RASGRF1: variants seen among roughly 807,000 people sequenced by gnomAD.
RASGRF1 encodes the protein Ras protein specific guanine nucleotide releasing factor 1, also known as ras-specific guanine nucleotide-releasing factor 1.
RASGRF1 carries 40 observed loss-of-function variants against 138.7 expected under a neutral mutation model. That is an observed-to-expected ratio of 0.29 (90% confidence interval 0.22 to 0.38). RASGRF1 has a LOEUF of 0.38. Ranked by LOEUF, RASGRF1 falls within the 10% of genes least tolerant of loss-of-function variation. The probability of loss-of-function intolerance (pLI) is 1.00; values close to 1 mark genes in which losing one functional copy is unlikely to be tolerated. For synonymous variants in RASGRF1, 614 were observed against 663.2 expected, an observed-to-expected ratio of 0.93 and a Z score of 1.14; for missense variants, 1,108 against 1,650.4, an observed-to-expected ratio of 0.67 and a Z score of 5.69.
Position 78,960,571 on chromosome 15 carries a change from C to G in RASGRF1, c.*1573G>C, listed in dbSNP as rs995182127. 2 of 152,374 alleles carry G rather than the reference C, an allele frequency of 1.3e-5. No homozygotes were observed. Among genetic ancestry groups the G allele is most frequent in the Admixed American group, 6.5e-5 (1 of 15,276 alleles). The allele number at this position is 152,374 out of a possible 1,614,324, so 9.4% of individuals were successfully genotyped here. ...CTTGGTGCACCAACTAGAGCACCAC[C>G]CGGTCCAGTTGAGCCTTCAGATGAC... On this transcript the variant is annotated 3_prime_UTR_variant, in exon 27 of 27. Coordinates refer to ENST00000558480, the MANE Select transcript of RASGRF1 (RefSeq NM_001145648.3).
At chr15:79,039,471 T>C (rs914169130) in intron 5 of RASGRF1, among the ~76,000 whole-genome samples, 1 of 152,200 alleles carries the variant, frequency 6.6e-6, no homozygotes, top group Non-Finnish European at 1.5e-5. Flanking sequence ...AATTCTTTCA[T>C]TGTTGTTTTT....
chr15:79,043,714 G>A (rs2057324894), intron 5 of RASGRF1, among the ~76,000 whole-genome samples: 1 of 152,294 alleles, frequency 6.6e-6, no homozygotes, highest in South Asian at 2.1e-4. Context: ...GATGGGTAAG[G>A]GAGCTTCTCA....
At chr15:79,064,589 C>G in intron 1 of RASGRF1, 63 bp from the exon 2 acceptor site, 2 of 1,501,036 alleles carry the variant, frequency 1.3e-6, no homozygotes, top group African/African-American at 1.4e-5. Flanking sequence ...ACGACTCTTG[C>G]AATCAATCTA....
chr15:79,016,152 TTTC>T (rs2056876326), intron 12 of RASGRF1, among the ~76,000 whole-genome samples: 1 of 152,094 alleles, frequency 6.6e-6, no homozygotes, highest in Non-Finnish European at 1.5e-5. Context: ...CATGAGAGGG[TTTC>T]TTCTTGGCAT....
rs1173036993 is a variant in RASGRF1, at chr15:79,006,054, C to G, written c.2075+132G>C. The G allele has an allele frequency of 2.0e-5, 27 of 1,325,626 alleles. No individual in the cohort carries two copies. The Admixed American group carries it at 5.6e-4, about 27-fold the overall frequency. The allele number at this position is 1,325,626 out of a possible 1,614,324, so 82.1% of individuals were successfully genotyped here. ...GAGGGGGCAGTGGCGGTGTGTGTCC[C>G]GCAGCACCCCAACACGTTACTGCTG... On this transcript the variant is annotated intron_variant, in intron 14 of 26. Transcript: ENST00000558480. The surrounding 1 kb of genome is among the most constrained non-coding windows in gnomAD (Gnocchi z 4.0).
intron 12 of RASGRF1, 34 bp downstream of exon 12, chr15:79,017,736 C>A (rs1279365009): frequency 6.3e-7 from 1 of 1,581,566 alleles, no homozygotes; most frequent in South Asian, 1.2e-5. Flanking sequence ...CATGAAGGGA[C>A]CACTCGCTTT....
At chr15:79,083,157 A>G (rs2057935292) in intron 1 of RASGRF1, among the ~76,000 whole-genome samples, 1 of 152,162 alleles carries the variant, frequency 6.6e-6, no homozygotes, top group Non-Finnish European at 1.5e-5. Flanking sequence ...ATCAGGGACA[A>G]AATAACTCCT....
At chr15:78,998,902 C>T in intron 17 of RASGRF1, 77 bp from the exon 18 acceptor site, 1 of 1,235,444 alleles carries the variant, frequency 8.1e-7, no homozygotes, top group Non-Finnish European at 1.2e-6. Flanking sequence ...CTGGATTTGC[C>T]TCTCGGATCT....
At chr15:78,966,074 T>C (rs576212205) in intron 26 of RASGRF1, among the ~76,000 whole-genome samples, 4 of 152,044 alleles carry the variant, frequency 2.6e-5, no homozygotes, top group Non-Finnish European at 4.4e-5. Context: ...AGGGAGCCAT[T>C]CTGTACCCCC....
intron 1 of RASGRF1, among the ~76,000 whole-genome samples, chr15:79,067,581 T>C (rs189583479): frequency 7.4e-4 from 113 of 152,328 alleles, no homozygotes; most frequent in Middle Eastern, 3.4e-3. Context: ...GAGCAGTTTG[T>C]TCCCTTTGTG....
chr15:78,979,248 C>A, intron 24 of RASGRF1: 1 of 1,191,078 alleles, frequency 8.4e-7, no homozygotes, highest in Non-Finnish European at 1.1e-6. Context: ...GGCGATGGCA[C>A]ACAGAGCTGG....
chr15:78,975,475 T>C (rs12914792), intron 24 of RASGRF1, among the ~76,000 whole-genome samples: 18,767 of 150,962 alleles, frequency 0.12, 1,494 homozygotes, highest in Non-Finnish European at 0.18. Flanking sequence ...CAGTCCATGA[T>C]TATTACATGC....
chr15:79,028,150 T>C (rs2057086887), intron 8 of RASGRF1, among the ~76,000 whole-genome samples: 1 of 152,106 alleles, frequency 6.6e-6, no homozygotes, highest in Admixed American at 6.5e-5. Flanking sequence ...ATCTGTCAGA[T>C]TTTACAGTCT....
chr15:78,990,312 G>A, intron 21 of RASGRF1, 39 bp from the exon 22 acceptor site: 1 of 1,385,594 alleles, frequency 7.2e-7, no homozygotes, highest in Non-Finnish European at 1.0e-6. Flanking sequence ...GAGGGGGTGA[G>A]GTTTGCCTTG....
rs561708273 is a variant in RASGRF1 at position 79,021,980 on chromosome 15, A to T, written c.1543-1876T>A. On this transcript the variant is annotated intron_variant, in intron 10 of 26. Coordinates refer to ENST00000558480, the MANE Select transcript of RASGRF1 (RefSeq NM_001145648.3). ...GAGAACTCCCTCACTTACTCCTCAC[A>T]GCACTCCTGTAAAGGAGGTATTTCT... Among the ~76,000 whole-genome samples, 78 of 152,278 alleles carry T rather than the reference A, an allele frequency of 5.1e-4. 1 individual carries two copies. The highest frequency in any genetic ancestry group is 1.8e-3 in the African/African-American group (74 of 41,536).
At chr15:78,993,150 G>C (rs1337571452) in intron 20 of RASGRF1, among the ~76,000 whole-genome samples, 1 of 132,252 alleles carries the variant, frequency 7.6e-6, no homozygotes, top group Admixed American at 7.4e-5. Context: ...TGTGTGTGTG[G>C]TGTGCCTGTG....
In RASGRF1 at chr15:78,973,169, C is replaced by G. The variant is rs2055803714; in HGVS notation, c.3612+134G>C. The G allele has an allele frequency of 1.5e-6, 1 of 681,284 alleles. No individual in the cohort carries two copies. The highest frequency in any genetic ancestry group is 2.5e-6 in the Non-Finnish European group (1 of 393,526). The allele number at this position is 681,284 out of a possible 1,614,324, so 42.2% of individuals were successfully genotyped here. ...ATAGTGATGGCTGTCATTGGGGAAG[C>G]TGGACCCAGGCTCCCAAATGGGGGC... On this transcript the variant is annotated intron_variant, in intron 25 of 26. Coordinates refer to ENST00000558480, the MANE Select transcript of RASGRF1 (RefSeq NM_001145648.3). This position sits in a 1 kb window ranked among gnomAD's most constrained non-coding sequence, Gnocchi z 4.9.
At chr15:79,065,935 GGAGA>G (rs900989746) in intron 1 of RASGRF1, among the ~76,000 whole-genome samples, 3 of 150,878 alleles carry the variant, frequency 2.0e-5, no homozygotes, top group African/African-American at 4.9e-5. Flanking sequence ...GAGTATGGCA[GGAGA>G]GAGAGAGAGA....
At chr15:79,019,914 C>A (rs2056935092) in intron 11 of RASGRF1, 127 bp downstream of exon 11, 11 of 1,134,910 alleles carry the variant, frequency 9.7e-6, no homozygotes, top group Non-Finnish European at 1.4e-5. Flanking sequence ...CATGTGTGGA[C>A]CTCCCCTCCG....
Sources: allele counts gnomAD v4.1 joint callset (sites outside exome capture counted in the v4.1 genomes callset), GRCh38; gene constraint gnomAD v4.1.1; non-coding constraint Gnocchi (gnomAD v3.1); transcripts MANE v1.5; gene names NCBI Gene and HGNC (gene_info 2026-07-23, HGNC 2026-07-21).